The following SCAPER variants were observed in gnomAD, a reference collection of about 807,000 sequenced individuals.
SCAPER encodes the protein S-phase cyclin A associated protein in the ER.
In SCAPER, 98 loss-of-function variants were observed where a neutral mutation model predicts 182.2. The observed-to-expected ratio is 0.54, with a 90% CI of 0.46 to 0.64. The LOEUF (loss-of-function observed/expected upper bound fraction) is 0.64. Ranked by LOEUF, SCAPER falls within the 30% of genes least tolerant of loss-of-function variation. The pLI is 0.00. For missense variants in SCAPER, 1,432 were observed against 1,690.0 expected (o/e 0.85, Z 2.68); for synonymous variants, 605 against 564.6 (o/e 1.07, Z -1.01).
At chr15:76,554,398 G>T (rs1267808266) in intron 23 of SCAPER, among the ~76,000 whole-genome samples, 5 of 152,142 alleles carry the variant, frequency 3.3e-5, no homozygotes, top group African/African-American at 1.2e-4. Context: ...AAGCAACCTG[G>T]AAAACATATT....
chr15:76,558,433 T>C (rs2046349107), intron 23 of SCAPER, among the ~76,000 whole-genome samples: 1 of 152,156 alleles, frequency 6.6e-6, no homozygotes, highest in African/African-American at 2.4e-5. Flanking sequence ...AGCAATGAGA[T>C]ACCATTGATC....
chr15:76,539,861 A>G (rs1420711706), intron 23 of SCAPER, among the ~76,000 whole-genome samples: 1 of 152,112 alleles, frequency 6.6e-6, no homozygotes. Context: ...CAAAATTTCA[A>G]TTCCACATTC....
chr15:76,381,965 C>CA (rs1322661959), intron 27 of SCAPER, among the ~76,000 whole-genome samples: 1 of 152,144 alleles, frequency 6.6e-6, no homozygotes, highest in Non-Finnish European at 1.5e-5. Flanking sequence ...TTTTGGGACT[C>CA]AGAGGCCAAA....
At chr15:76,898,876 T>C (rs72742413) in intron 1 of SCAPER, among the ~76,000 whole-genome samples, 29 of 152,322 alleles carry the variant, frequency 1.9e-4, no homozygotes, top group African/African-American at 6.0e-4. Context: ...ATTAAAATCA[T>C]TGAAGTGTAC....
intron 5 of SCAPER, among the ~76,000 whole-genome samples, chr15:76,812,290 G>A (rs2066684021): frequency 6.6e-6 from 1 of 151,986 alleles, no homozygotes; most frequent in Admixed American, 6.6e-5. Context: ...CCCCAGCCTG[G>A]GTGACAAAGC....
intron 17 of SCAPER, among the ~76,000 whole-genome samples, chr15:76,708,509 T>C (rs576283875): frequency 4.6e-5 from 7 of 151,822 alleles, no homozygotes; most frequent in Non-Finnish European, 7.4e-5. Flanking sequence ...ATTAAATACA[T>C]ACATAAATGT....
At chr15:76,899,293 TGCCTGGG>T (rs1281323088) in intron 1 of SCAPER, among the ~76,000 whole-genome samples, 1 of 152,176 alleles carries the variant, frequency 6.6e-6, no homozygotes, top group Non-Finnish European at 1.5e-5. Context: ...GCCTGCCGAG[TGCCTGGG>T]GTTCCAGGCA....
intron 4 of SCAPER, among the ~76,000 whole-genome samples, chr15:76,843,483 G>C (rs2069690370): frequency 6.6e-6 from 1 of 152,106 alleles, no homozygotes; most frequent in Admixed American, 6.6e-5. Flanking sequence ...TTCAATTTCT[G>C]CTCCAATGTT....
intron 1 of SCAPER, among the ~76,000 whole-genome samples, chr15:76,886,936 T>C (rs2073872121): frequency 6.6e-6 from 1 of 152,116 alleles, no homozygotes; most frequent in South Asian, 2.1e-4. Flanking sequence ...CACTTATATG[T>C]GAGAGCTAAA....
intron 23 of SCAPER, among the ~76,000 whole-genome samples, chr15:76,550,276 G>T (rs1480027806): frequency 6.6e-6 from 1 of 152,126 alleles, no homozygotes; most frequent in African/African-American, 2.4e-5. Flanking sequence ...ATGGTGGTTT[G>T]CTGTACCTGT....
intron 6 of SCAPER, among the ~76,000 whole-genome samples, chr15:76,803,737 G>C (rs1259940867): frequency 6.6e-6 from 1 of 151,858 alleles, no homozygotes; most frequent in African/African-American, 2.4e-5. Flanking sequence ...ACTCATAAGG[G>C]CTCCACCTTC....
At chr15:76,883,775 CA>C in intron 2 of SCAPER, 36 bp downstream of exon 2, 10 of 1,470,290 alleles carry the variant, frequency 6.8e-6, no homozygotes, top group Admixed American at 2.6e-5. Flanking sequence ...AAGAGAAAGG[CA>C]AAAAAACTAA....
chr15:76,640,193 G>A (rs1184333081), intron 21 of SCAPER, among the ~76,000 whole-genome samples: 1 of 152,126 alleles, frequency 6.6e-6, no homozygotes, highest in Admixed American at 6.5e-5. Flanking sequence ...ATTCTACTCG[G>A]ATGTGGAATT....
chr15:76,600,452 TA>T (rs201624894), intron 22 of SCAPER, among the ~76,000 whole-genome samples: 23,301 of 50,508 alleles, frequency 0.46, 6,569 homozygotes, highest in Middle Eastern at 0.74. Flanking sequence ...TATATATATA[TA>T]TTTTTTTTTT....
chr15:76,653,508 A>C (rs1049112611), intron 21 of SCAPER, among the ~76,000 whole-genome samples: 4 of 152,214 alleles, frequency 2.6e-5, no homozygotes, highest in East Asian at 1.9e-4. Context: ...ATTGGTACAA[A>C]AACTGACACA....
intron 27 of SCAPER, among the ~76,000 whole-genome samples, chr15:76,403,238 T>G (rs1458792790): frequency 6.6e-6 from 1 of 152,220 alleles, no homozygotes; most frequent in East Asian, 1.9e-4. Flanking sequence ...GGACAGTGTT[T>G]GGTATGCCAA....
chr15:76,471,189 CT>C (rs1464922508), intron 25 of SCAPER, 22 bp downstream of exon 25: 1 of 1,554,982 alleles, frequency 6.4e-7, no homozygotes, highest in Non-Finnish European at 8.7e-7. Flanking sequence ...CTGCTTCTAA[CT>C]CAAAGCAATA....
At chr15:76,468,184 CA>C (rs1334642270) in intron 25 of SCAPER, among the ~76,000 whole-genome samples, 1 of 151,966 alleles carries the variant, frequency 6.6e-6, no homozygotes, top group African/African-American at 2.4e-5. Flanking sequence ...TCACCATCAC[CA>C]ACCACCCCAA....
intron 5 of SCAPER, among the ~76,000 whole-genome samples, chr15:76,833,106 A>C (rs1434345187): frequency 6.6e-6 from 1 of 152,144 alleles, no homozygotes; most frequent in Non-Finnish European, 1.5e-5. Flanking sequence ...CAGAAGAAAA[A>C]ACCTTAAAGG....
Sources: gnomAD v4.1 joint callset for allele counts (sites outside exome capture counted in the v4.1 genomes callset) on GRCh38, gnomAD v4.1.1 for gene constraint, MANE v1.5 for transcripts, NCBI Gene and HGNC (gene_info 2026-07-23, HGNC 2026-07-21) for gene names.